GOLGA3: variants seen among roughly 807,000 people sequenced by gnomAD.
GOLGA3 encodes the protein golgin subfamily A member 3.
Under a neutral mutation model 169.4 loss-of-function variants are expected in GOLGA3, and 75 were observed. The ratio of observed to expected loss-of-function variants is 0.44; its 90% confidence interval spans 0.37 to 0.54. GOLGA3 has a LOEUF of 0.54. Among genes scored for constraint, GOLGA3 ranks in the 20% least tolerant of loss-of-function variants. GOLGA3 has a pLI of 0.00. For missense variants in GOLGA3, 1,899 were observed against 1,930.0 expected (o/e 0.98, Z 0.30); for synonymous variants, 824 against 822.4 (o/e 1.00, Z -0.03).
intron 11 of GOLGA3, among the ~76,000 whole-genome samples, chr12:132,791,594 C>T (rs2046236606): frequency 6.7e-6 from 1 of 149,448 alleles, no homozygotes; most frequent in African/African-American, 2.5e-5. Flanking sequence ...AAGGACACAT[C>T]TGCAGAGTTG....
chr12:132,776,767 G>T lies in GOLGA3; in HGVS notation c.3856-11C>A. On this transcript the variant is annotated splice_polypyrimidine_tract_variant and intron_variant, in intron 20 of 23. Coordinates refer to ENST00000450791, the MANE Select transcript of GOLGA3 (RefSeq NM_001389683.1). ...TTTGAGATTTTCCATCTAAAGAGGG[G>T]AAAGTCACATGGCCAAAAGAATATT... 2 of 1,613,444 alleles carry T rather than the reference G, an allele frequency of 1.2e-6. No homozygotes were observed. Among genetic ancestry groups the T allele is most frequent in the Non-Finnish European group, 8.5e-7 (1 of 1,179,758 alleles).
intron 7 of GOLGA3, among the ~76,000 whole-genome samples, chr12:132,803,158 A>G (rs1949217591): frequency 1.3e-5 from 2 of 152,190 alleles, no homozygotes; most frequent in Admixed American, 6.5e-5. Context: ...AAGCACAAAC[A>G]TGTAAACATG....
chr12:132,793,831 T>C (rs572342306), intron 11 of GOLGA3, among the ~76,000 whole-genome samples: 1 of 152,344 alleles, frequency 6.6e-6, no homozygotes, highest in Non-Finnish European at 1.5e-5. Context: ...GAAACACTTC[T>C]CTACCTCAGC....
Position 132,789,272 on chromosome 12 carries a change from G to T in GOLGA3, c.2566C>A (p.Arg856=). Residue 856 remains arginine (R), a synonymous_variant, in exon 13 of 24, where the codon CGG becomes AGG. Transcript: ENST00000450791. ...LQQKVMVEAY[R]RDATSKDQLI... ...TGGTCTTTGGAGGTGGCGTCGCGCC[G>T]GTAGGCCTCCACCATCACCTGCCAA... 4 of 1,598,162 alleles carry T rather than the reference G, an allele frequency of 2.5e-6. No homozygotes were observed. The highest frequency in any genetic ancestry group is 3.4e-6 in the Non-Finnish European group (4 of 1,177,104).
intron 13 of GOLGA3, among the ~76,000 whole-genome samples, chr12:132,787,640 A>C (rs376503613): frequency 0.49 from 9,273 of 18,786 alleles, 2,382 homozygotes; most frequent in East Asian, 0.69. Context: ...CCCGGAGACC[A>C]CGGGACCCCT....
intron 3 of GOLGA3, among the ~76,000 whole-genome samples, chr12:132,815,959 G>A (rs534659098): frequency 2.1e-4 from 32 of 152,358 alleles, no homozygotes; most frequent in African/African-American, 7.2e-4. Context: ...AACACTTTGG[G>A]AGGCCAAGGC....
chr12:132,798,512 C>G (rs1948981360), intron 8 of GOLGA3, 35 bp from the exon 9 acceptor site: 1 of 1,576,696 alleles, frequency 6.3e-7, no homozygotes, highest in African/African-American at 1.4e-5. Flanking sequence ...AAAAGTTGCT[C>G]AATTTCAAGC....
chr12:132,826,664 G>A (rs752885393), intron 1 of GOLGA3, among the ~76,000 whole-genome samples: 17 of 152,116 alleles, frequency 1.1e-4, no homozygotes, highest in Non-Finnish European at 2.1e-4. Context: ...CCTGAAGCCG[G>A]ACCAGAGAGA....
At chr12:132,799,405 C>G (rs370233492) in intron 8 of GOLGA3, among the ~76,000 whole-genome samples, 1 of 152,206 alleles carries the variant, frequency 6.6e-6, no homozygotes, top group South Asian at 2.1e-4. Context: ...AATCCCAGCA[C>G]GCTGGGAGGA....
chr12:132,783,983 C>T, intron 16 of GOLGA3, 181 bp downstream of exon 16: 1 of 1,487,426 alleles, frequency 6.7e-7, no homozygotes, highest in African/African-American at 1.4e-5. Flanking sequence ...CCCCAGAGGG[C>T]TGGAATCAGG....
At position 132,779,973 on chromosome 12, in the gene GOLGA3, GCACAGCCCGCGTGCACA is replaced by G. The variant is rs149404281; in HGVS notation, c.3582+808_3582+824del. On this transcript the variant is annotated intron_variant, in intron 18 of 23. Coordinates refer to ENST00000450791, the MANE Select transcript of GOLGA3 (RefSeq NM_001389683.1). Reference sequence around the variant, plus strand: ...TATACAGACATCACAACCCTTCCACGCACAGCCCGCGTGCACACACACCCCAGGCACACACGTGCGCA... The same window carrying G: ...TATACAGACATCACAACCCTTCCACGCACACCCCAGGCACACACGTGCGCA... Among the ~76,000 whole-genome samples, 807 of 102,150 alleles carry G rather than the reference GCACAGCCCGCGTGCACA, an allele frequency of 7.9e-3. 22 individuals are homozygous for G. The highest frequency in any genetic ancestry group is 0.028 in the African/African-American group (720 of 25,316). The allele number at this position is 102,150 out of a possible 152,430, so 67.0% of individuals were successfully genotyped here. A position where few individuals can be genotyped will look rare whatever the true frequency, so the allele number is the denominator to read the frequency against.
Position 132,773,095 on chromosome 12 carries a change from T to C in GOLGA3, c.*10A>G. The C allele has an allele frequency of 6.4e-7, 1 of 1,553,742 alleles. No homozygotes were observed. Among genetic ancestry groups the C allele is most frequent in the Non-Finnish European group, 8.7e-7 (1 of 1,146,090 alleles). On this transcript the variant is annotated 3_prime_UTR_variant, in exon 24 of 24. Transcript: ENST00000450791. ...TGGGGCAGCGGCGCACGGAGGCGAGTCCACAGCAGTCACTCTCCCGGCCCT... is the reference window on the plus strand; with the variant it reads ...TGGGGCAGCGGCGCACGGAGGCGAGCCCACAGCAGTCACTCTCCCGGCCCT...
chr12:132,791,423 G>A (rs2046225885), intron 11 of GOLGA3, 130 bp from the exon 12 acceptor site: 4 of 589,802 alleles, frequency 6.8e-6, no homozygotes, highest in South Asian at 2.2e-5. Flanking sequence ...TCCAGGAGGG[G>A]ACACATCCTC....
intron 22 of GOLGA3, 39 bp from the exon 23 acceptor site, chr12:132,774,359 C>T: frequency 6.2e-7 from 1 of 1,604,534 alleles, no homozygotes; most frequent in Non-Finnish European, 8.5e-7. Flanking sequence ...CCCACCGTCC[C>T]CTCCCTCGGG....
At chr12:132,808,808 C>T (rs1949554747) in intron 4 of GOLGA3, among the ~76,000 whole-genome samples, 1 of 152,190 alleles carries the variant, frequency 6.6e-6, no homozygotes, top group African/African-American at 2.4e-5. Context: ...GACCTCAACA[C>T]GTTTAAAACA....
At chr12:132,825,456 A>G (rs997873186) in intron 1 of GOLGA3, among the ~76,000 whole-genome samples, 1 of 152,250 alleles carries the variant, frequency 6.6e-6, no homozygotes, top group African/African-American at 2.4e-5. Flanking sequence ...AAGTGCCAAC[A>G]CAGGTTTAAT....
chr12:132,819,696 C>G (rs954766831), intron 2 of GOLGA3, among the ~76,000 whole-genome samples: 1 of 152,106 alleles, frequency 6.6e-6, no homozygotes, highest in African/African-American at 2.4e-5. Flanking sequence ...ATGCAAAGGA[C>G]CCGTGAGCTC....
At chr12:132,821,404 C>T (rs974079985) in intron 2 of GOLGA3, among the ~76,000 whole-genome samples, 13 of 21,532 alleles carry the variant, frequency 6.0e-4, no homozygotes, top group South Asian at 4.4e-3. Flanking sequence ...CAAAACTCCA[C>T]GTCGAAAAAA....
chr12:132,828,916 G>C (rs1417376218), upstream of GOLGA3: 2 of 152,266 alleles, frequency 1.3e-5, no homozygotes, highest in Non-Finnish European at 2.9e-5. Context: ...GAAACAGCCT[G>C]CACGCGCTAC....
Sources: gnomAD v4.1 joint callset for allele counts (sites outside exome capture counted in the v4.1 genomes callset) on GRCh38, gnomAD v4.1.1 for gene constraint, MANE v1.5 for transcripts, NCBI Gene and HGNC (gene_info 2026-07-23, HGNC 2026-07-21) for gene names.